The following CBR4 variants were observed in gnomAD, a reference collection of about 807,000 sequenced individuals.
CBR4 encodes the protein 3-oxoacyl-[acyl-carrier-protein] reductase.
A neutral mutation model predicts 21.0 loss-of-function variants in CBR4; 22 were observed. The ratio of observed to expected loss-of-function variants is 1.05; its 90% CI spans 0.75 to 1.50. CBR4 has a LOEUF of 1.50. CBR4 is among the 40% of genes most tolerant of loss of function. The probability of loss-of-function intolerance (pLI) is 0.00; values close to 1 mark genes in which losing one functional copy is unlikely to be tolerated. For synonymous variants in CBR4, 100 were observed against 104.4 expected (o/e 0.96, Z 0.26); for missense variants, 302 against 286.3 (o/e 1.05, Z -0.40).
chr4:168,991,339 T>C (rs1201923570), intron 4 of CBR4, among the ~76,000 whole-genome samples: 1 of 152,128 alleles, frequency 6.6e-6, no homozygotes, highest in Non-Finnish European at 1.5e-5. Context: ...TAAAATATCA[T>C]AGAATACATT....
rs1763045068 is a variant in CBR4, at chr4:168,934,279, AAAC to A, written n.170-39517_170-39515del. On this transcript the variant is annotated intron_variant and non_coding_transcript_variant, in intron 2 of 3. Transcript: ENST00000509108. Reference sequence around the variant, plus strand: ...TTAAAAGAAACTAGAAAAGCAAAAAAAACAAAAAAAAAAAAAAAAAAAAAAGCA... The same window carrying A: ...TTAAAAGAAACTAGAAAAGCAAAAAAAAAAAAAAAAAAAAAAAAAAAAGCA... Among the ~76,000 whole-genome samples the A allele has an allele frequency of 1.3e-3, 39 of 30,106 alleles. 1 individual carries two copies. Among genetic ancestry groups the A allele is most frequent in the East Asian group, 4.3e-3 (1 of 230 alleles). 19.8% of individuals were successfully genotyped at this position (30,106 alleles called of 152,430 possible).
At chr4:168,962,327 G>A (rs1763887564) in intron 2 of CBR4, among the ~76,000 whole-genome samples, 2 of 152,128 alleles carry the variant, frequency 1.3e-5, no homozygotes, top group Admixed American at 6.5e-5. Flanking sequence ...TTATAAAGTA[G>A]GCATTCTGAT....
chr4:168,999,137 G>C (rs1360665446), intron 4 of CBR4, among the ~76,000 whole-genome samples: 1 of 151,948 alleles, frequency 6.6e-6, no homozygotes, highest in African/African-American at 2.4e-5. Flanking sequence ...AGCAGCTATT[G>C]ATCTTTAAAA....
At chr4:168,913,863 A>G in intron 2 of CBR4, 1 of 1,044,626 alleles carries the variant, frequency 9.6e-7, no homozygotes, top group South Asian at 1.3e-5. Flanking sequence ...GACAGTAGGC[A>G]TGATAGTGCT....
intron 2 of CBR4, among the ~76,000 whole-genome samples, chr4:168,921,895 C>T (rs1193035150): frequency 1.3e-5 from 2 of 151,842 alleles, no homozygotes; most frequent in South Asian, 2.1e-4. Flanking sequence ...GTTATAAGGC[C>T]TAGCAAAACA....
intron 2 of CBR4, chr4:168,898,462 A>C: frequency 7.2e-7 from 1 of 1,385,686 alleles, no homozygotes; most frequent in Non-Finnish European, 1.0e-6. Context: ...GAAGGGATTG[A>C]GTCTGCTAAC....
chr4:168,943,947 CT>C (rs1763330939), intron 2 of CBR4, among the ~76,000 whole-genome samples: 1 of 151,864 alleles, frequency 6.6e-6, no homozygotes, highest in Non-Finnish European at 1.5e-5. Flanking sequence ...CAAAACGCCT[CT>C]GATAATGCAA....
chr4:168,911,422 T>C (rs1036681821), intron 2 of CBR4, among the ~76,000 whole-genome samples: 1 of 152,234 alleles, frequency 6.6e-6, no homozygotes, highest in African/African-American at 2.4e-5. Context: ...CATTTCATCA[T>C]GGAAGCCGCA....
At chr4:168,997,098 TC>T (rs1765241076) in intron 4 of CBR4, among the ~76,000 whole-genome samples, 1 of 75,920 alleles carries the variant, frequency 1.3e-5, no homozygotes. Context: ...TGTGCTCTAC[TC>T]CCCTTTTTGC....
At chr4:169,005,571 A>T (rs1446659455) in intron 3 of CBR4, among the ~76,000 whole-genome samples, 1 of 152,006 alleles carries the variant, frequency 6.6e-6, no homozygotes, top group Non-Finnish European at 1.5e-5. Flanking sequence ...AAATACACCT[A>T]AAAAAAAGAA....
intron 2 of CBR4, among the ~76,000 whole-genome samples, chr4:168,973,771 C>G (rs575954244): frequency 1.3e-5 from 2 of 152,280 alleles, no homozygotes; most frequent in South Asian, 4.1e-4. Context: ...GTTTAATCTA[C>G]GAGGGTTGTA....
At chr4:168,896,101 G>A (rs900520044) in intron 2 of CBR4, among the ~76,000 whole-genome samples, 11 of 151,882 alleles carry the variant, frequency 7.2e-5, no homozygotes, top group Non-Finnish European at 8.8e-5. Context: ...TCCCAGCTAC[G>A]CGGGAGGCTG....
intron 2 of CBR4, among the ~76,000 whole-genome samples, chr4:168,980,613 G>C (rs911761535): frequency 6.6e-6 from 1 of 152,162 alleles, no homozygotes; most frequent in African/African-American, 2.4e-5. Context: ...GCACATGCCT[G>C]TAATCCCAGC....
At chr4:168,894,835 T>G in intron 2 of CBR4, 1 of 1,199,276 alleles carries the variant, frequency 8.3e-7, no homozygotes, top group South Asian at 1.4e-5. Context: ...CAGCTAATTT[T>G]TATTGAGCAC....
At chr4:168,928,576 CTCTGT>C in intron 2 of CBR4, 1 of 159,348 alleles carries the variant, frequency 6.3e-6, no homozygotes, top group Non-Finnish European at 1.4e-5. Context: ...TAGCTGGGTT[CTCTGT>C]TCAGGATCTT....
At chr4:168,917,830 G>C (rs780191957) in intron 2 of CBR4, among the ~76,000 whole-genome samples, 2 of 151,584 alleles carry the variant, frequency 1.3e-5, no homozygotes, top group Non-Finnish European at 2.9e-5. Context: ...ATTCATTTTT[G>C]GTCTATAATT....
chr4:169,008,744 G>C (rs2126881342), intron 1 of CBR4, among the ~76,000 whole-genome samples: 1 of 152,190 alleles, frequency 6.6e-6, no homozygotes, highest in African/African-American at 2.4e-5. Context: ...CTGATGGCTT[G>C]GGGTGACACA....
At chr4:168,898,293 TGAA>T (rs1176290505) in intron 2 of CBR4, 3 of 607,784 alleles carry the variant, frequency 4.9e-6, no homozygotes, top group Non-Finnish European at 8.8e-6. Flanking sequence ...TGATAGGACT[TGAA>T]GACAATCTGA....
chr4:169,003,862 G>GC (rs1730669608), intron 3 of CBR4, among the ~76,000 whole-genome samples: 2 of 152,130 alleles, frequency 1.3e-5, no homozygotes, highest in Admixed American at 6.5e-5. Context: ...ACCAAACACC[G>GC]CATGTTCTCA....
Sources: gnomAD v4.1 joint callset for allele counts (sites outside exome capture counted in the v4.1 genomes callset) on GRCh38, gnomAD v4.1.1 for gene constraint, MANE v1.5 for transcripts, NCBI Gene and HGNC (gene_info 2026-07-23, HGNC 2026-07-21) for gene names.